HTR1D: variants seen among roughly 807,000 people sequenced by gnomAD.
HTR1D encodes 5-HT-1D.
HTR1D carries 18 observed loss-of-function variants against 21.1 expected under a neutral mutation model. The ratio of observed to expected loss-of-function variants is 0.85; its 90% CI spans 0.59 to 1.27. The LOEUF (loss-of-function observed/expected upper bound fraction) is 1.27, where lower values mean the gene tolerates loss of function less well. Among genes scored for constraint, HTR1D ranks in the 50% most tolerant of loss-of-function variants. HTR1D has a pLI of 0.00. For missense variants in HTR1D, 456 were observed against 481.4 expected (o/e 0.95, Z 0.49); for synonymous variants, 196 against 204.4 (o/e 0.96, Z 0.35).
chr1:23,213,016 G>A (rs1280760474), intron 1 of HTR1D, among the ~76,000 whole-genome samples: 1 of 152,022 alleles, frequency 6.6e-6, no homozygotes, highest in East Asian at 1.9e-4. Context: ...TGTAGAGACA[G>A]GGTTTCACCA....
chr1:23,193,173 G>A lies in HTR1D; in HGVS notation c.1047C>T (p.Ser349=). The A allele has an allele frequency of 6.2e-7, 1 of 1,613,444 alleles. No homozygotes were observed. The highest frequency in any genetic ancestry group is 8.5e-7 in the Non-Finnish European group (1 of 1,179,812). The part of the protein sequence containing the change: ...DFFTWLGYLN[S]LINPIIYTVF... ...CAGTGTAGATTATTGGATTGATGAG[G>A]GAGTTTAAATAGCCTAGCCAGGTGA... Residue 349 remains serine, a synonymous_variant, in exon 2 of 2, where the codon TCC becomes TCT. Transcript: ENST00000374619.
chr1:23,199,841 G>A (rs994082669), intron 1 of HTR1D, among the ~76,000 whole-genome samples: 3 of 152,024 alleles, frequency 2.0e-5, no homozygotes, highest in Non-Finnish European at 2.9e-5. Context: ...GAGTAGCTGG[G>A]ACTACAAGCA....
rs1429673436 is a variant in HTR1D, at chr1:23,217,060, C to T, written c.-783+231G>A. On this transcript the variant is annotated intron_variant, in intron 1 of 1. Transcript: ENST00000374619. The surrounding 1 kb of genome is among the most constrained non-coding windows in gnomAD (Gnocchi z 4.6). Reference sequence around the variant, plus strand: ...CGTGGGATCCCGCAGCCTCCCTGGGCGCTGCCTCAGTCCTCCCTTTTCTCC... The same window carrying T: ...CGTGGGATCCCGCAGCCTCCCTGGGTGCTGCCTCAGTCCTCCCTTTTCTCC... Among the ~76,000 whole-genome samples, 2 of 152,010 alleles carry T rather than the reference C, an allele frequency of 1.3e-5. No homozygotes were observed. The highest frequency in any genetic ancestry group is 6.5e-5 in the Admixed American group (1 of 15,274).
chr1:23,211,446 C>T (rs564826330), intron 1 of HTR1D, among the ~76,000 whole-genome samples: 1 of 152,120 alleles, frequency 6.6e-6, no homozygotes, highest in South Asian at 2.1e-4. Flanking sequence ...TGAAGCTGAG[C>T]GTGGGAGGAC....
intron 1 of HTR1D, among the ~76,000 whole-genome samples, chr1:23,212,165 A>T (rs1157732285): frequency 6.6e-6 from 1 of 151,888 alleles, no homozygotes; most frequent in Non-Finnish European, 1.5e-5. Flanking sequence ...CTATCTGCTC[A>T]TCTCCCCCAC....
intron 1 of HTR1D, among the ~76,000 whole-genome samples, chr1:23,201,893 T>C (rs148979818): frequency 9.8e-4 from 149 of 152,196 alleles, no homozygotes; most frequent in Non-Finnish European, 1.1e-3. Context: ...AACCAATCCC[T>C]ACTGTGGGGT....
At chr1:23,201,439 C>A (rs1055674790) in intron 1 of HTR1D, among the ~76,000 whole-genome samples, 1 of 152,180 alleles carries the variant, frequency 6.6e-6, no homozygotes, top group Admixed American at 6.5e-5. Flanking sequence ...CCATGAGCGA[C>A]CTTCTATCCA....
chr1:23,198,365 C>CAA (rs58589973), intron 1 of HTR1D, among the ~76,000 whole-genome samples: 29 of 87,464 alleles, frequency 3.3e-4, no homozygotes, highest in Non-Finnish European at 5.3e-4. Flanking sequence ...GACTCCGTCT[C>CAA]AAAAAAAAAA....
At chr1:23,196,413 T>C (rs1207171101) in intron 1 of HTR1D, among the ~76,000 whole-genome samples, 4 of 148,140 alleles carry the variant, frequency 2.7e-5, no homozygotes, top group African/African-American at 1.0e-4. Context: ...CATTATACTC[T>C]AGCCTGGGCA....
rs140039742 is a variant in HTR1D, at chr1:23,193,358, G to A, written c.862C>T (p.Arg288Cys). The change falls in exon 2 of 2, where the codon CGC (arginine) becomes TGC (cysteine). Residue 288 changes from arginine to cysteine, a missense_variant. By Grantham distance (180) the Arg-to-Cys change is radical (BLOSUM62 -3). Transcript: ENST00000374619. The stretch of plus-strand genomic sequence containing the variant: ...TCTCGAGCAGCAGAAATCCTCTTGC[G>A]TTCCAGGGCACTGTCAGCAAGCTTG... Reference protein sequence around the residue: ...KIKLADSALERKRISAARERK... With the variant: ...KIKLADSALECKRISAARERK... The A allele has an allele frequency of 1.8e-4, 292 of 1,614,168 alleles. No individual in the cohort carries two copies. Among genetic ancestry groups the A allele is most frequent in the African/African-American group, 1.8e-3 (134 of 75,030 alleles).
chr1:23,200,931 G>C (rs528846455), intron 1 of HTR1D, among the ~76,000 whole-genome samples: 158 of 152,174 alleles, frequency 1.0e-3, no homozygotes, highest in Non-Finnish European at 7.1e-4. Context: ...CCACCTCCAG[G>C]CCACAGCATC....
chr1:23,194,286 A>G lies in HTR1D; in HGVS notation c.-67T>C. On this transcript the variant is annotated 5_prime_UTR_variant, in exon 2 of 2. Transcript: ENST00000374619. ...CTCCTTCCTTCAAGGTTGTCCTGACAACAGAGCAAAGTCATCCTTCTGCTT... is the reference window on the plus strand; with the variant it reads ...CTCCTTCCTTCAAGGTTGTCCTGACGACAGAGCAAAGTCATCCTTCTGCTT... The G allele has an allele frequency of 1.4e-6, 2 of 1,447,526 alleles. No individual in the cohort carries two copies. Among genetic ancestry groups the G allele is most frequent in the Non-Finnish European group, 1.9e-6 (2 of 1,058,818 alleles). 89.7% of individuals were successfully genotyped at this position (1,447,526 alleles called of 1,614,324 possible). A position where few individuals can be genotyped will look rare whatever the true frequency, so the allele number is the denominator to read the frequency against.
intron 1 of HTR1D, among the ~76,000 whole-genome samples, chr1:23,198,160 A>G (rs1168396663): frequency 2.0e-5 from 3 of 151,472 alleles, no homozygotes; most frequent in Admixed American, 6.6e-5. Context: ...TCATGAGGTC[A>G]GGAGATCAAG....
At chr1:23,211,898 A>G (rs1356581824) in intron 1 of HTR1D, among the ~76,000 whole-genome samples, 1 of 152,116 alleles carries the variant, frequency 6.6e-6, no homozygotes, top group Non-Finnish European at 1.5e-5. Flanking sequence ...TCCTAAGTTC[A>G]AGTGATCTTC....
chr1:23,204,048 C>T (rs753899430), intron 1 of HTR1D, among the ~76,000 whole-genome samples: 16 of 152,138 alleles, frequency 1.1e-4, no homozygotes, highest in Non-Finnish European at 1.8e-4. Flanking sequence ...CCTCCTTCGC[C>T]TTTCACCATG....
intron 1 of HTR1D, among the ~76,000 whole-genome samples, chr1:23,199,646 C>CGT (rs1440456633): frequency 6.6e-6 from 1 of 151,418 alleles, no homozygotes; most frequent in South Asian, 2.1e-4. Context: ...AATTGTTATT[C>CGT]GTGTGTGTGT....
rs866667074 is a variant in HTR1D, at chr1:23,199,653, G to A, written c.-782-4652C>T. Among the ~76,000 whole-genome samples, 9 of 151,878 alleles carry A rather than the reference G, an allele frequency of 5.9e-5. No homozygotes were observed. In the South Asian group the frequency reaches 8.3e-4, roughly 14 times the overall value. On this transcript the variant is annotated intron_variant, in intron 1 of 1. Transcript: ENST00000374619. ...TTAATATTAATTGTTATTCGTGTGT[G>A]TGTGTTTGTACTGCTTTGTAGGGAA...
chr1:23,202,348 C>T (rs1644712649), intron 1 of HTR1D, among the ~76,000 whole-genome samples: 1 of 152,154 alleles, frequency 6.6e-6, no homozygotes, highest in Admixed American at 6.6e-5. Flanking sequence ...CCGTCTGAGC[C>T]TCCCAAAGTG....
intron 1 of HTR1D, among the ~76,000 whole-genome samples, chr1:23,208,059 G>A (rs750735379): frequency 4.6e-5 from 7 of 151,378 alleles, no homozygotes; most frequent in East Asian, 4.0e-4. Flanking sequence ...CACTGCACCC[G>A]GCCTGCAAGA....
Sources: gnomAD v4.1 joint callset for allele counts (sites outside exome capture counted in the v4.1 genomes callset) on GRCh38, gnomAD v4.1.1 for gene constraint, Gnocchi (gnomAD v3.1) non-coding constraint, MANE v1.5 for transcripts, NCBI Gene and HGNC (gene_info 2026-07-23, HGNC 2026-07-21) for gene names.